The following DDX4 variants were observed in gnomAD, a reference collection of about 807,000 sequenced individuals.
The protein encoded by DDX4 is DEAD-box helicase 4, also known as probable ATP-dependent RNA helicase DDX4.
Under a neutral mutation model 100.0 loss-of-function variants are expected in DDX4, and 25 were observed. The ratio of observed to expected loss-of-function variants is 0.25; its 90% CI spans 0.18 to 0.35. DDX4 has a LOEUF of 0.35. Ranked by LOEUF, DDX4 falls within the 10% of genes least tolerant of loss-of-function variation. The pLI is 1.00. For synonymous variants in DDX4, 259 were observed against 275.7 expected (o/e 0.94, Z 0.60); for missense variants, 635 against 882.4 (o/e 0.72, Z 3.55).
chr5:55,743,548 G>A (rs569467778), intron 2 of DDX4, among the ~76,000 whole-genome samples: 65 of 152,216 alleles, frequency 4.3e-4, no homozygotes, highest in African/African-American at 1.5e-3. Context: ...TCCTGCCTCA[G>A]TCTCCTGAGT....
intron 18 of DDX4, among the ~76,000 whole-genome samples, chr5:55,805,297 T>G (rs1743622369): frequency 6.6e-6 from 1 of 152,074 alleles, no homozygotes; most frequent in Non-Finnish European, 1.5e-5. Context: ...CCTCTTTTCC[T>G]AATTGAATAC....
At chr5:55,783,299 A>T (rs1362308545) in intron 10 of DDX4, among the ~76,000 whole-genome samples, 2 of 151,954 alleles carry the variant, frequency 1.3e-5, no homozygotes, top group African/African-American at 4.8e-5. Context: ...GACTAGCTAA[A>T]CCAAATCTCC....
At chr5:55,756,835 C>T (rs1340131610) in intron 3 of DDX4, among the ~76,000 whole-genome samples, 1 of 152,028 alleles carries the variant, frequency 6.6e-6, no homozygotes, top group African/African-American at 2.4e-5. Flanking sequence ...AGCATCTATA[C>T]TCCATCATTT....
intron 10 of DDX4, among the ~76,000 whole-genome samples, chr5:55,783,295 C>T (rs955216993): frequency 6.6e-6 from 1 of 151,738 alleles, no homozygotes; most frequent in Non-Finnish European, 1.5e-5. Flanking sequence ...TAAAGACTAG[C>T]TAAACCAAAT....
At chr5:55,791,103 C>T (rs1195308258) in intron 16 of DDX4, among the ~76,000 whole-genome samples, 1 of 152,048 alleles carries the variant, frequency 6.6e-6, no homozygotes. Flanking sequence ...CTGTAAGAAA[C>T]CCTTTGTGGC....
intron 18 of DDX4, among the ~76,000 whole-genome samples, chr5:55,800,319 CTTAAG>C (rs1409641840): frequency 3.3e-5 from 5 of 149,534 alleles, no homozygotes; most frequent in Admixed American, 2.0e-4. Flanking sequence ...ATATAGTCAC[CTTAAG>C]TTTTTTTTTT....
At chr5:55,755,244 T>G (rs1351591473) in intron 3 of DDX4, among the ~76,000 whole-genome samples, 1 of 152,166 alleles carries the variant, frequency 6.6e-6, no homozygotes, top group Non-Finnish European at 1.5e-5. Context: ...TTTTCCTCAC[T>G]TCAATGGGAA....
At chr5:55,780,093 C>T in intron 8 of DDX4, 28 bp downstream of exon 8, 1 of 1,610,520 alleles carries the variant, frequency 6.2e-7, no homozygotes, top group Non-Finnish European at 8.5e-7. Context: ...AAATGATGTG[C>T]TTCATTAACT....
chr5:55,800,562 G>A (rs2112114338), intron 18 of DDX4, among the ~76,000 whole-genome samples: 1 of 152,224 alleles, frequency 6.6e-6, no homozygotes, highest in East Asian at 1.9e-4. Flanking sequence ...CTGACCTTGT[G>A]ATCTGCCTGC....
At chr5:55,747,558 C>CAA (rs764384839) in intron 3 of DDX4, among the ~76,000 whole-genome samples, 1 of 152,120 alleles carries the variant, frequency 6.6e-6, no homozygotes, top group Non-Finnish European at 1.5e-5. Flanking sequence ...AAAAACAAAA[C>CAA]AAAAACATTA....
chr5:55,781,181 C>T (rs1193206740), intron 9 of DDX4, 35 bp downstream of exon 9: 1 of 1,508,848 alleles, frequency 6.6e-7, no homozygotes, highest in Non-Finnish European at 9.1e-7. Flanking sequence ...ATATTAGTTA[C>T]TGATGTATGT....
At chr5:55,781,199 A>G in intron 9 of DDX4, 53 bp downstream of exon 9, 2 of 1,424,496 alleles carry the variant, frequency 1.4e-6, no homozygotes, top group East Asian at 2.3e-5. Flanking sequence ...TGTTTTTAGC[A>G]CTAGGATTAG....
chr5:55,741,045 A>G (rs1425691632), intron 2 of DDX4, among the ~76,000 whole-genome samples: 1 of 152,194 alleles, frequency 6.6e-6, no homozygotes, highest in Non-Finnish European at 1.5e-5. Flanking sequence ...TAGATTTGTT[A>G]TAACACAAAG....
intron 18 of DDX4, among the ~76,000 whole-genome samples, chr5:55,801,073 A>G (rs2112117395): frequency 6.6e-6 from 1 of 152,266 alleles, no homozygotes; most frequent in East Asian, 1.9e-4. Context: ...AGCTAGTCAA[A>G]AGGAGAATTA....
At chr5:55,767,772 T>C (rs112518640) in intron 6 of DDX4, 109 bp from the exon 7 acceptor site, 16 of 711,654 alleles carry the variant, frequency 2.2e-5, no homozygotes, top group Middle Eastern at 5.2e-4. Context: ...TTTTAACTTA[T>C]GAAAATATTT....
chr5:55,754,064 G>T (rs1759758945), intron 3 of DDX4, among the ~76,000 whole-genome samples: 1 of 143,024 alleles, frequency 7.0e-6, no homozygotes, highest in South Asian at 2.4e-4. Context: ...AGCTTAAGGA[G>T]ATTTTGGGCT....
chr5:55,787,824 A>G, intron 14 of DDX4, 22 bp from the exon 15 acceptor site: 2 of 1,609,596 alleles, frequency 1.2e-6, no homozygotes, highest in Non-Finnish European at 1.7e-6. Flanking sequence ...TAAGTTTGTA[A>G]ACTAAGCAAC....
At chr5:55,773,650 A>G (rs577952349) in intron 7 of DDX4, among the ~76,000 whole-genome samples, 1 of 151,966 alleles carries the variant, frequency 6.6e-6, no homozygotes, top group African/African-American at 2.4e-5. Context: ...TTTTTGAGAC[A>G]GGGTCTTACT....
chr5:55,752,216 G>T (rs972060526), intron 3 of DDX4, among the ~76,000 whole-genome samples: 2 of 149,394 alleles, frequency 1.3e-5, no homozygotes, highest in Non-Finnish European at 3.0e-5. Flanking sequence ...AAGTTTTAGG[G>T]TACATGTGCA....
Sources: allele counts gnomAD v4.1 joint callset (sites outside exome capture counted in the v4.1 genomes callset), GRCh38; gene constraint gnomAD v4.1.1; transcripts MANE v1.5; gene names NCBI Gene and HGNC (gene_info 2026-07-23, HGNC 2026-07-21).